Variants in AKAP6 observed in about 807,000 individuals in gnomAD.
AKAP6 encodes A-kinase anchor protein 6.
In AKAP6, 58 loss-of-function variants were observed where a neutral mutation model predicts 188.5. The ratio of observed to expected loss-of-function variants is 0.31; its 90% CI spans 0.25 to 0.38. AKAP6 has a LOEUF of 0.38. Ranked by LOEUF, AKAP6 falls within the 10% of genes least tolerant of loss-of-function variation. The pLI is 1.00. For missense variants in AKAP6, 2,710 were observed against 2,740.0 expected (o/e 0.99, Z 0.24); for synonymous variants, 989 against 998.6 (o/e 0.99, Z 0.18).
chr14:32,522,475 C>T (rs1881893734), intron 2 of AKAP6, among the ~76,000 whole-genome samples: 1 of 147,376 alleles, frequency 6.8e-6, no homozygotes, highest in Admixed American at 6.8e-5. Context: ...CTACAAAGAA[C>T]TTAAACAAAC....
In AKAP6 at chr14:32,830,206, A is replaced by C; in HGVS notation, c.*401A>C. 5 of 439,056 alleles carry C rather than the reference A, an allele frequency of 1.1e-5. No homozygotes were observed. Among genetic ancestry groups the C allele is most frequent in the Admixed American group, 4.2e-5 (1 of 24,048 alleles). The allele number at this position is 439,056 out of a possible 1,614,324, so 27.2% of individuals were successfully genotyped here. On this transcript the variant is annotated 3_prime_UTR_variant, in exon 14 of 14. Coordinates refer to ENST00000280979, the MANE Select transcript of AKAP6 (RefSeq NM_004274.5). ...CCATTAAATTCTCCTGTCTAGAATG[A>C]CCCCCCCACCAGTACTTGACCAATT...
At chr14:32,406,203 TTTTG>T (rs995901074) in intron 1 of AKAP6, among the ~76,000 whole-genome samples, 3 of 152,078 alleles carry the variant, frequency 2.0e-5, no homozygotes, top group African/African-American at 4.8e-5. Flanking sequence ...GAATACAATT[TTTTG>T]TTTGTTTGTT....
intron 11 of AKAP6, among the ~76,000 whole-genome samples, chr14:32,744,778 T>C (rs2031825643): frequency 6.6e-6 from 1 of 152,162 alleles, no homozygotes; most frequent in African/African-American, 2.4e-5. Context: ...TTCTGGACCT[T>C]GGAGGCCTAC....
chr14:32,745,477 CTCTCTCTCTCTCTCTCTCTG>C (rs1350696190), intron 11 of AKAP6, among the ~76,000 whole-genome samples: 36 of 139,600 alleles, frequency 2.6e-4, no homozygotes, highest in South Asian at 8.6e-4. Context: ...CTCTCTCTCT[CTCTCTCTCTCTCTCTCTCTG>C]TCTCTCTCTC....
At chr14:32,477,635 C>A (rs895505414) in intron 2 of AKAP6, among the ~76,000 whole-genome samples, 3 of 152,166 alleles carry the variant, frequency 2.0e-5, no homozygotes, top group Non-Finnish European at 2.9e-5. Context: ...CACCGACTTG[C>A]AAAAATGCCT....
intron 2 of AKAP6, among the ~76,000 whole-genome samples, chr14:32,528,626 C>G (rs113871460): frequency 0.014 from 2,125 of 152,130 alleles, 54 homozygotes; most frequent in African/African-American, 0.049. Context: ...CCGTTGAGTT[C>G]TTTTTAAACA....
chr14:32,725,007 A>AAAAAAAAC, intron 9 of AKAP6, among the ~76,000 whole-genome samples: 1 of 149,736 alleles, frequency 6.7e-6, no homozygotes, highest in Admixed American at 6.7e-5. Flanking sequence ...AAAAAAAAAA[A>AAAAAAAAC]AAAAAAAAAA....
rs573111222 is a variant in AKAP6, at chr14:32,681,109, T to C, written c.2879+2650T>C. Among the ~76,000 whole-genome samples the C allele has an allele frequency of 3.9e-5, 6 of 152,334 alleles. No individual in the cohort carries two copies. In the East Asian group the frequency reaches 7.7e-4, roughly 20 times the overall value. On this transcript the variant is annotated intron_variant, in intron 8 of 13. Coordinates refer to ENST00000280979, the MANE Select transcript of AKAP6 (RefSeq NM_004274.5). ...CTTTTTTTCATCCAATAAATATTCA[T>C]TGAGGGCCTACTATGTGCATGGCAT...
Position 32,385,915 on chromosome 14 carries a change from ATATAT to A in AKAP6, c.-34-47540_-34-47536del, listed in dbSNP as rs534650037. 1.3e-3 allele frequency among the ~76,000 whole-genome samples: 199 copies of A among 148,884 alleles called. 1 individual carries two copies. Among genetic ancestry groups the A allele is most frequent in the African/African-American group, 4.7e-3 (194 of 40,906 alleles). On this transcript the variant is annotated intron_variant, in intron 1 of 13. Transcript: ENST00000280979. ...GTTCATATATATTGTACATGTAGTCATATATTATAGTTCATATATTATATATTATA... is the reference window on the plus strand; with the variant it reads ...GTTCATATATATTGTACATGTAGTCATATAGTTCATATATTATATATTATA...
In AKAP6 at chr14:32,372,770, CTGTGTGTGTG is replaced by C. The variant is rs3031400; in HGVS notation, c.-35+43388_-35+43397del. Among the ~76,000 whole-genome samples the C allele has an allele frequency of 4.6e-3, 680 of 147,572 alleles. 4 individuals carry two copies. The highest frequency in any genetic ancestry group is 0.012 in the African/African-American group (479 of 39,946). On this transcript the variant is annotated intron_variant, in intron 1 of 13. Coordinates refer to ENST00000280979, the MANE Select transcript of AKAP6 (RefSeq NM_004274.5). ...TTTACCTCTACATCTTTTTGTTGCT[CTGTGTGTGTG>C]TGTGTGTGTGTGTGTGTGTGTGTGT...
intron 1 of AKAP6, among the ~76,000 whole-genome samples, chr14:32,410,774 T>G (rs1409032525): frequency 6.6e-6 from 1 of 152,156 alleles, no homozygotes; most frequent in African/African-American, 2.4e-5. Flanking sequence ...AGGTTTTTTG[T>G]TTTTGTTTTT....
At chr14:32,803,848 C>G (rs2034020267) in intron 12 of AKAP6, among the ~76,000 whole-genome samples, 1 of 152,200 alleles carries the variant, frequency 6.6e-6, no homozygotes, top group African/African-American at 2.4e-5. Flanking sequence ...TCTTCCTTGA[C>G]AAACTGATTC....
intron 2 of AKAP6, among the ~76,000 whole-genome samples, chr14:32,464,042 A>G (rs1262081570): frequency 1.3e-5 from 2 of 152,252 alleles, no homozygotes; most frequent in Non-Finnish European, 2.9e-5. Flanking sequence ...AGACTAAACG[A>G]GGAAGAAGTC....
intron 5 of AKAP6, among the ~76,000 whole-genome samples, chr14:32,577,921 G>A (rs1273497402): frequency 6.6e-6 from 1 of 152,094 alleles, no homozygotes; most frequent in South Asian, 2.1e-4. Flanking sequence ...ATTATGAAGG[G>A]GTGGAAACTA....
Position 32,535,794 on chromosome 14 carries a change from G to A in AKAP6, c.565G>A (p.Glu189Lys). ...QTDILQAFSEETKEGRLDSLT... is the reference protein window; with the variant it reads ...QTDILQAFSEKTKEGRLDSLT... ...GGACATTCTGCAAGCTTTCTCTGAA[G>A]AGACAAAAGAGGTGAGTGTTTTCCT... Residue 189 changes from glutamate (E) to lysine (K), a missense_variant, in exon 3 of 14, where the codon GAG (glutamate) becomes AAG (lysine). By Grantham distance (56) the Glu-to-Lys change is moderately conservative. Coordinates refer to ENST00000280979, the MANE Select transcript of AKAP6 (RefSeq NM_004274.5). 1 of 1,611,440 alleles carries A rather than the reference G, an allele frequency of 6.2e-7. No homozygotes were observed. The highest frequency in any genetic ancestry group is 8.5e-7 in the Non-Finnish European group (1 of 1,178,156).
At chr14:32,393,014 A>C (rs1431633740) in intron 1 of AKAP6, among the ~76,000 whole-genome samples, 1 of 152,100 alleles carries the variant, frequency 6.6e-6, no homozygotes, top group Non-Finnish European at 1.5e-5. Context: ...TTTATTAAAT[A>C]CTATAATAAT....
Position 32,821,514 on chromosome 14 carries a change from A to G in AKAP6, c.3701A>G (p.Glu1234Gly). Residue 1234 changes from glutamate (E) to glycine (G), a missense_variant, in exon 13 of 14, where the codon GAA (glutamate) becomes GGA (glycine). Coordinates refer to ENST00000280979, the MANE Select transcript of AKAP6 (RefSeq NM_004274.5). ...AACAAGTTAATTAGTTTGAATGAGG[A>G]ATCAAATGACCTTGATCAAGAACTC... ...ISNKLISLNEESNDLDQELQP... is the reference protein window; with the variant it reads ...ISNKLISLNEGSNDLDQELQP... 6.2e-7 allele frequency: 1 copy of G among 1,613,800 alleles called. No homozygotes were observed. Among genetic ancestry groups the G allele is most frequent in the Non-Finnish European group, 8.5e-7 (1 of 1,179,820 alleles).
At chr14:32,708,605 T>A (rs1288135436) in intron 9 of AKAP6, among the ~76,000 whole-genome samples, 1 of 151,998 alleles carries the variant, frequency 6.6e-6, no homozygotes, top group Non-Finnish European at 1.5e-5. Context: ...TTCATAATTT[T>A]AAGAAATAAT....
chr14:32,337,658 A>G (rs570150937), intron 1 of AKAP6, among the ~76,000 whole-genome samples: 27 of 151,986 alleles, frequency 1.8e-4, no homozygotes, highest in African/African-American at 2.4e-4. Context: ...TGCCATGTTG[A>G]TGTGCTGCAC....
Sources: gnomAD v4.1 joint callset for allele counts (sites outside exome capture counted in the v4.1 genomes callset) on GRCh38, gnomAD v4.1.1 for gene constraint, MANE v1.5 for transcripts, NCBI Gene and HGNC (gene_info 2026-07-23, HGNC 2026-07-21) for gene names.